Variants in TNR observed in about 807,000 individuals in gnomAD.
TNR encodes tenascin-R.
A neutral mutation model predicts 150.4 loss-of-function variants in TNR; 45 were observed. The ratio of observed to expected loss-of-function variants is 0.30; its 90% CI spans 0.24 to 0.38. The LOEUF (loss-of-function observed/expected upper bound fraction) is 0.38. TNR is among the 10% of genes least tolerant of loss of function. The pLI is 1.00. For missense variants in TNR, 1,544 were observed against 1,759.1 expected, an observed-to-expected ratio of 0.88 and a Z score of 2.19; for synonymous variants, 687 against 678.4, an observed-to-expected ratio of 1.01 and a Z score of -0.20.
At chr1:175,592,797 G>A (rs1268769831) in intron 1 of TNR, among the ~76,000 whole-genome samples, 1 of 152,236 alleles carries the variant, frequency 6.6e-6, no homozygotes, top group African/African-American at 2.4e-5. Context: ...TAGTCTCCTA[G>A]TTTGGACATT....
rs35772982 is a variant in TNR at position 175,320,788 on chromosome 1, TTTCCTTCC to T, written c.*2561_*2568del. 1 of 141,270 alleles carries T rather than the reference TTTCCTTCC, an allele frequency of 7.1e-6. No homozygotes were observed. Among genetic ancestry groups the T allele is most frequent in the Non-Finnish European group, 1.5e-5 (1 of 65,024 alleles). 8.8% of individuals were successfully genotyped at this position (141,270 alleles called of 1,614,324 possible). On this transcript the variant is annotated 3_prime_UTR_variant, in exon 23 of 23. Coordinates refer to ENST00000367674, the MANE Select transcript of TNR (RefSeq NM_003285.3). ...TTCCCTCCCTCCCTCCCCTTCCTTC[TTTCCTTCC>T]TTCCTTCCTTCCTTCTTTCCTTCTT...
intron 1 of TNR, among the ~76,000 whole-genome samples, chr1:175,605,113 A>G (rs1362156257): frequency 6.6e-6 from 1 of 152,236 alleles, no homozygotes; most frequent in Non-Finnish European, 1.5e-5. Flanking sequence ...TCATTCTCAC[A>G]TCAGGCAGCC....
chr1:175,730,905 G>C (rs1269422960), intron 1 of TNR, among the ~76,000 whole-genome samples: 1 of 152,210 alleles, frequency 6.6e-6, no homozygotes, highest in Non-Finnish European at 1.5e-5. Flanking sequence ...GGTAGAAGCT[G>C]CTTCCTTTGC....
At chr1:175,547,654 AGAAGAAAG>A (rs1236986497) in intron 1 of TNR, among the ~76,000 whole-genome samples, 3 of 142,930 alleles carry the variant, frequency 2.1e-5, no homozygotes, top group Admixed American at 6.8e-5. Context: ...AAAGAAAGGA[AGAAGAAAG>A]AAAGAAAGAA....
chr1:175,379,421 T>C lies in TNR; in HGVS notation c.1963+131A>G, dbSNP rs113896472. 795 of 730,160 alleles carry C rather than the reference T, an allele frequency of 1.1e-3. 9 individuals are homozygous for C. In the African/African-American group the frequency reaches 0.013, roughly 12 times the overall value. 45.2% of individuals were successfully genotyped at this position (730,160 alleles called of 1,614,324 possible). ...AGTACAATGGATAGTACTAGACATATGTGCTAGGCACTTAAGAGATGAGAT... is the reference window on the plus strand; with the variant it reads ...AGTACAATGGATAGTACTAGACATACGTGCTAGGCACTTAAGAGATGAGAT... On this transcript the variant is annotated intron_variant, in intron 9 of 22. Transcript: ENST00000367674.
chr1:175,411,636 C>T (rs1654219986), intron 2 of TNR, among the ~76,000 whole-genome samples: 1 of 151,542 alleles, frequency 6.6e-6, no homozygotes. Flanking sequence ...CCGTCTGTGC[C>T]TCTGTCTGTG....
intron 1 of TNR, among the ~76,000 whole-genome samples, chr1:175,662,922 T>C (rs1324084290): frequency 2.6e-5 from 4 of 152,228 alleles, no homozygotes; most frequent in Admixed American, 2.6e-4. Context: ...TCAGATAGAA[T>C]TGTATTCAAA....
chr1:175,670,896 A>C (rs1466080191), intron 1 of TNR, among the ~76,000 whole-genome samples: 1 of 152,210 alleles, frequency 6.6e-6, no homozygotes, highest in East Asian at 1.9e-4. Flanking sequence ...AATATGGGCA[A>C]GTACAAAATC....
chr1:175,628,526 T>A (rs1463250862), intron 1 of TNR, among the ~76,000 whole-genome samples: 4 of 147,986 alleles, frequency 2.7e-5, no homozygotes, highest in Admixed American at 2.0e-4. Context: ...ATAATAAAAT[T>A]AAAAAAAAAA....
intron 1 of TNR, among the ~76,000 whole-genome samples, chr1:175,554,709 AC>A (rs1231409682): frequency 2.6e-5 from 4 of 152,046 alleles, no homozygotes; most frequent in Non-Finnish European, 5.9e-5. Flanking sequence ...TCCAGCCCCC[AC>A]CCCTGAGCTT....
intron 7 of TNR, among the ~76,000 whole-genome samples, chr1:175,388,688 A>C (rs1033771110): frequency 3.9e-4 from 59 of 152,242 alleles, no homozygotes; most frequent in African/African-American, 1.4e-3. Flanking sequence ...ATTTCTAAAC[A>C]AACACAATCC....
chr1:175,562,908 C>T (rs1434882800), intron 1 of TNR, among the ~76,000 whole-genome samples: 1 of 152,186 alleles, frequency 6.6e-6, no homozygotes, highest in African/African-American at 2.4e-5. Flanking sequence ...ACAAAAACAG[C>T]CACTCAGGTT....
chr1:175,692,072 A>G (rs1029504015), intron 1 of TNR, among the ~76,000 whole-genome samples: 3 of 152,254 alleles, frequency 2.0e-5, no homozygotes, highest in African/African-American at 7.2e-5. Flanking sequence ...CATACTTCAC[A>G]GTCAAAATGC....
At chr1:175,381,858 T>G (rs763035963) in intron 8 of TNR, among the ~76,000 whole-genome samples, 2 of 152,236 alleles carry the variant, frequency 1.3e-5, no homozygotes, top group Admixed American at 1.3e-4. Flanking sequence ...TTCTCAGATA[T>G]CTCCATGTAC....
At chr1:175,538,756 G>C (rs1285424172) in intron 1 of TNR, 1 of 152,232 alleles carries the variant, frequency 6.6e-6, no homozygotes, top group Non-Finnish European at 1.5e-5. Flanking sequence ...AATATTCCCA[G>C]GGTGGGAGGG....
At chr1:175,566,521 C>T (rs1269966492) in intron 1 of TNR, among the ~76,000 whole-genome samples, 1 of 152,224 alleles carries the variant, frequency 6.6e-6, no homozygotes, top group Non-Finnish European at 1.5e-5. Flanking sequence ...CTATAGGGCC[C>T]CCAAGCCACA....
intron 2 of TNR, among the ~76,000 whole-genome samples, chr1:175,460,997 A>T (rs1430322424): frequency 6.6e-6 from 1 of 152,210 alleles, no homozygotes; most frequent in Non-Finnish European, 1.5e-5. Context: ...ATGTGCACAC[A>T]CTGATGCATG....
chr1:175,710,360 G>A (rs1316934355), intron 1 of TNR, among the ~76,000 whole-genome samples: 1 of 152,146 alleles, frequency 6.6e-6, no homozygotes, highest in Non-Finnish European at 1.5e-5. Context: ...TGTAAAGGGT[G>A]GGGATGTTGA....
intron 1 of TNR, among the ~76,000 whole-genome samples, chr1:175,601,753 G>A (rs892563944): frequency 1.3e-5 from 2 of 152,108 alleles, no homozygotes; most frequent in Admixed American, 6.5e-5. Context: ...AAGATGAGGA[G>A]GTTGTATTAT....
Sources: allele counts gnomAD v4.1 joint callset (sites outside exome capture counted in the v4.1 genomes callset), GRCh38; gene constraint gnomAD v4.1.1; transcripts MANE v1.5; gene names NCBI Gene and HGNC (gene_info 2026-07-23, HGNC 2026-07-21).